CDK7: variants seen among roughly 807,000 people sequenced by gnomAD.
CDK7 encodes the protein cyclin dependent kinase 7.
In CDK7, 25 loss-of-function variants were observed where a neutral mutation model predicts 49.1. That is an observed-to-expected ratio of 0.51 (90% CI 0.37 to 0.71). CDK7 has a LOEUF of 0.71. Among genes scored for constraint, CDK7 ranks in the 30% least tolerant of loss-of-function variants. CDK7 has a pLI of 0.00. For synonymous variants in CDK7, 107 were observed against 140.0 expected (o/e 0.76, Z 1.67); for missense variants, 316 against 411.7 (o/e 0.77, Z 2.01).
chr5:69,269,635 G>A (rs576085270), intron 9 of CDK7, among the ~76,000 whole-genome samples: 20 of 152,036 alleles, frequency 1.3e-4, no homozygotes, highest in Admixed American at 4.6e-4. Context: ...ATGGGTTCAC[G>A]TCGTATATAT....
intron 10 of CDK7, among the ~76,000 whole-genome samples, chr5:69,275,340 AT>A (rs1752009641): frequency 6.6e-6 from 1 of 152,096 alleles, no homozygotes; most frequent in Non-Finnish European, 1.5e-5. Context: ...AAAAAGCCTT[AT>A]TTTTTAAGAA....
At chr5:69,251,419 A>C (rs1014471197) in intron 2 of CDK7, among the ~76,000 whole-genome samples, 5 of 152,046 alleles carry the variant, frequency 3.3e-5, no homozygotes, top group African/African-American at 9.6e-5. Context: ...AACTTTTTAC[A>C]TTTTTTGTAG....
rs985181330 is a variant in CDK7, at chr5:69,276,133, A to C, written c.865-410A>C. ...CAACCTCTGCCTCTGGGTTCAAGCGATTCTCCTACCTCAGCCTCCCGAGTA... is the reference window on the plus strand; with the variant it reads ...CAACCTCTGCCTCTGGGTTCAAGCGCTTCTCCTACCTCAGCCTCCCGAGTA... On this transcript the variant is annotated intron_variant, in intron 10 of 11. Transcript: ENST00000256443. Among the ~76,000 whole-genome samples, 10 of 152,090 alleles carry C rather than the reference A, an allele frequency of 6.6e-5. No individual in the cohort carries two copies. In the South Asian group the frequency reaches 8.3e-4, roughly 13 times the overall value.
chr5:69,257,186 G>A (rs563505461), intron 5 of CDK7, among the ~76,000 whole-genome samples: 1 of 152,312 alleles, frequency 6.6e-6, no homozygotes, highest in African/African-American at 2.4e-5. Flanking sequence ...GTAAAGGAAA[G>A]GAGTAAGTAC....
chr5:69,272,660 GT>G (rs1751687717), intron 9 of CDK7, among the ~76,000 whole-genome samples: 1 of 151,760 alleles, frequency 6.6e-6, no homozygotes, highest in Admixed American at 6.6e-5. Flanking sequence ...ATAGTACTGT[GT>G]TTTTAATTTT....
At chr5:69,244,636 CAAAAAAAAAAAAAA>C (rs35194899) in intron 2 of CDK7, among the ~76,000 whole-genome samples, 4 of 94,894 alleles carry the variant, frequency 4.2e-5, no homozygotes, top group Middle Eastern at 4.9e-3. Flanking sequence ...AACTCCGTCT[CAAAAAAAAAAAAAA>C]AAAAAAAGAT....
intron 4 of CDK7, among the ~76,000 whole-genome samples, chr5:69,254,983 A>G (rs1454417086): frequency 6.6e-6 from 1 of 152,154 alleles, no homozygotes; most frequent in Non-Finnish European, 1.5e-5. Flanking sequence ...TGAGACCTTG[A>G]GTGTGTTCAC....
chr5:69,266,073 T>C (rs1173668659), intron 8 of CDK7, among the ~76,000 whole-genome samples: 2 of 152,098 alleles, frequency 1.3e-5, no homozygotes, highest in African/African-American at 4.8e-5. Context: ...GGTAACAGGC[T>C]GGGGTTCACC....
At chr5:69,243,934 G>A (rs551142122) in intron 2 of CDK7, among the ~76,000 whole-genome samples, 24 of 143,858 alleles carry the variant, frequency 1.7e-4, no homozygotes, top group Non-Finnish European at 2.8e-4. Flanking sequence ...CCGGGTTTGC[G>A]CCATTCTCCT....
chr5:69,244,810 A>AC (rs1342786804), intron 2 of CDK7, among the ~76,000 whole-genome samples: 1 of 152,056 alleles, frequency 6.6e-6, no homozygotes, highest in African/African-American at 2.4e-5. Flanking sequence ...CTGTATACTG[A>AC]CCATGGGTCT....
At chr5:69,240,816 A>G (rs1749318362) in intron 2 of CDK7, among the ~76,000 whole-genome samples, 3 of 151,988 alleles carry the variant, frequency 2.0e-5, no homozygotes. Context: ...TTTAGTAGAG[A>G]CGGGGTTTCC....
intron 3 of CDK7, 40 bp downstream of exon 3, chr5:69,252,491 CTCCTT>C: frequency 1.7e-5 from 6 of 355,024 alleles, no homozygotes; most frequent in Non-Finnish European, 2.6e-5. Flanking sequence ...GAAAAGTTTT[CTCCTT>C]TTTTTTTTTT....
At chr5:69,259,377 T>C (rs1477809573) in intron 6 of CDK7, among the ~76,000 whole-genome samples, 2 of 152,140 alleles carry the variant, frequency 1.3e-5, no homozygotes, top group African/African-American at 4.8e-5. Context: ...TCTCATATCG[T>C]AAGTTTGGAA....
intron 2 of CDK7, among the ~76,000 whole-genome samples, chr5:69,237,249 T>G (rs1204718752): frequency 6.6e-6 from 1 of 152,108 alleles, no homozygotes; most frequent in African/African-American, 2.4e-5. Flanking sequence ...TATAGACACA[T>G]GCCACCAAGC....
rs1749855196 is a variant in CDK7, at chr5:69,247,779, G to A, written c.127-4639G>A. ...GTTTTTAGATTTGAGGTTACATGAGGCTTGCAAATAATATAACCCATTATT... is the reference window on the plus strand; with the variant it reads ...GTTTTTAGATTTGAGGTTACATGAGACTTGCAAATAATATAACCCATTATT... On this transcript the variant is annotated intron_variant, in intron 2 of 11. Transcript: ENST00000256443. 2.0e-5 allele frequency among the ~76,000 whole-genome samples: 3 copies of A among 151,776 alleles called. No individual in the cohort carries two copies. In the South Asian group the frequency reaches 6.3e-4, roughly 32 times the overall value.
chr5:69,238,031 C>G (rs1296022471), intron 2 of CDK7, among the ~76,000 whole-genome samples: 1 of 152,064 alleles, frequency 6.6e-6, no homozygotes, highest in Non-Finnish European at 1.5e-5. Flanking sequence ...CGTTCATTTG[C>G]TAGGATGTGT....
At chr5:69,248,714 T>C (rs1417548946) in intron 2 of CDK7, among the ~76,000 whole-genome samples, 1 of 152,058 alleles carries the variant, frequency 6.6e-6, no homozygotes, top group African/African-American at 2.4e-5. Context: ...TCCTTGACTT[T>C]TAGAGTTTGA....
intron 3 of CDK7, among the ~76,000 whole-genome samples, chr5:69,252,694 A>G (rs989098104): frequency 2.6e-5 from 4 of 151,712 alleles, no homozygotes; most frequent in African/African-American, 9.7e-5. Context: ...TTTTTTGTAG[A>G]GATGAGGTCT....
intron 2 of CDK7, among the ~76,000 whole-genome samples, chr5:69,244,631 C>A (rs534007973): frequency 1.1e-5 from 1 of 88,522 alleles, no homozygotes; most frequent in African/African-American, 4.1e-5. Context: ...AGCAAAACTC[C>A]GTCTCAAAAA....
Sources: gnomAD v4.1 joint callset for allele counts (sites outside exome capture counted in the v4.1 genomes callset) on GRCh38, gnomAD v4.1.1 for gene constraint, MANE v1.5 for transcripts, NCBI Gene and HGNC (gene_info 2026-07-23, HGNC 2026-07-21) for gene names.